NPBWR2: variants seen among roughly 807,000 people sequenced by gnomAD.
The protein encoded by NPBWR2 is neuropeptides B/W receptor type 2.
For synonymous variants in NPBWR2, 207 were observed against 223.5 expected (o/e 0.93, Z 0.66); for missense variants, 390 against 458.2 (o/e 0.85, Z 1.36).
chr20:64,106,966 G>A lies in NPBWR2; in HGVS notation c.-91-44C>T, dbSNP rs1247459698. 5.4e-6 allele frequency: 6 copies of A among 1,107,796 alleles called. No individual in the cohort carries two copies. The highest frequency in any genetic ancestry group is 6.4e-6 in the Non-Finnish European group (5 of 781,744). 68.6% of individuals were successfully genotyped at this position (1,107,796 alleles called of 1,614,324 possible). A position where few individuals can be genotyped will look rare whatever the true frequency, so the allele number is the denominator to read the frequency against. On this transcript the variant is annotated intron_variant, in intron 1 of 1. Transcript: ENST00000684052. This position sits in a 1 kb window ranked among gnomAD's most constrained non-coding sequence, Gnocchi z 9.5. ...CAGAGACTTTGAGATCCGGCCGTCT[G>A]TTAGGGCACAGCCACTCCAGGTTCT...
rs1347156884 is a variant in NPBWR2, at chr20:64,105,621, GTGA to G, written c.*206_*208del. Among the ~76,000 whole-genome samples the G allele has an allele frequency of 5.5e-5, 1 of 18,326 alleles. No individual in the cohort carries two copies. Among genetic ancestry groups the G allele is most frequent in the African/African-American group, 2.7e-4 (1 of 3,660 alleles). The allele number at this position is 18,326 out of a possible 152,430, so 12.0% of individuals were successfully genotyped here. A position where few individuals can be genotyped will look rare whatever the true frequency, so the allele number is the denominator to read the frequency against. Reference sequence around the variant, plus strand: ...GGTGGGCGTGATGGTGGGGGTGGGGGTGATGGGGGTGGGCGTGATGGTGGATGT... The same window carrying G: ...GGTGGGCGTGATGGTGGGGGTGGGGGTGGGGGTGGGCGTGATGGTGGATGT... On this transcript the variant is annotated 3_prime_UTR_variant, in exon 2 of 2. Coordinates refer to ENST00000684052, the MANE Select transcript of NPBWR2 (RefSeq NM_005286.4).
Position 64,107,370 on chromosome 20 carries a change from A to C in NPBWR2, c.-98T>G, listed in dbSNP as rs942844915. Among the ~76,000 whole-genome samples the C allele has an allele frequency of 1.3e-5, 2 of 152,174 alleles. No individual in the cohort carries two copies. Among genetic ancestry groups the C allele is most frequent in the Admixed American group, 6.5e-5 (1 of 15,282 alleles). On this transcript the variant is annotated 5_prime_UTR_variant, in exon 1 of 2. Coordinates refer to ENST00000684052, the MANE Select transcript of NPBWR2 (RefSeq NM_005286.4). This position sits in a 1 kb window ranked among gnomAD's most constrained non-coding sequence, Gnocchi z 6.3. Reference sequence around the variant, plus strand: ...TACTCTTCTCTCCACTGACCTGTCCAGTGCTTCGAGTCCAGAAGTTGGTAG... The same window carrying C: ...TACTCTTCTCTCCACTGACCTGTCCCGTGCTTCGAGTCCAGAAGTTGGTAG...
rs1266501576 is a variant in NPBWR2 at position 64,105,932 on chromosome 20, G to A, written c.900C>T (p.Val300=). 1.2e-6 allele frequency: 2 copies of A among 1,612,806 alleles called. No individual in the cohort carries two copies. The highest frequency in any genetic ancestry group is 3.3e-5 in the Admixed American group (2 of 59,978). Residue 300 remains valine, a synonymous_variant, in exon 2 of 2, where the codon GTC becomes GTT. Transcript: ENST00000684052. ...AGTTGGCGTAGCTGAGGCTGGTGAT[G>A]ACGTAGGACATACTGATGACCAGTG... ...QTPLVISMSY[V]ITSLSYANSC...
rs150640492 is a variant in NPBWR2, at chr20:64,104,858, G to A, written c.*972C>T. 0.05 allele frequency among the ~76,000 whole-genome samples: 5,854 copies of A among 116,708 alleles called. 108 individuals are homozygous for A. Among genetic ancestry groups the A allele is most frequent in the Non-Finnish European group, 0.068 (3,570 of 52,772 alleles). 76.6% of individuals were successfully genotyped at this position (116,708 alleles called of 152,430 possible). On this transcript the variant is annotated 3_prime_UTR_variant, in exon 2 of 2. Coordinates refer to ENST00000684052, the MANE Select transcript of NPBWR2 (RefSeq NM_005286.4). ...AGCACAGGCCATGGAGAGGACCGTC[G>A]GACACAGCAGGGGGGCACAGGGGAG...
In NPBWR2 at chr20:64,107,304, C is replaced by G. The variant is rs1253628450; in HGVS notation, c.-92+60G>C. On this transcript the variant is annotated intron_variant, in intron 1 of 1. Transcript: ENST00000684052. The surrounding 1 kb of genome is among the most constrained non-coding windows in gnomAD (Gnocchi z 6.3). ...GGGTCTTGGAGTCTGCACCCTCCCT[C>G]ACACCCTCCCGAGAGATGCTGCAGA... 1 of 191,364 alleles carries G rather than the reference C, an allele frequency of 5.2e-6. No individual in the cohort carries two copies. The highest frequency in any genetic ancestry group is 1.2e-4 in the East Asian group (1 of 8,134). 11.9% of individuals were successfully genotyped at this position (191,364 alleles called of 1,614,324 possible). A position where few individuals can be genotyped will look rare whatever the true frequency, so the allele number is the denominator to read the frequency against.
At position 64,106,858 on chromosome 20, in the gene NPBWR2, GC is replaced by G; in HGVS notation, c.-28del. The G allele has an allele frequency of 6.3e-7, 1 of 1,594,588 alleles. No homozygotes were observed. Among genetic ancestry groups the G allele is most frequent in the Non-Finnish European group, 8.6e-7 (1 of 1,167,180 alleles). On this transcript the variant is annotated 5_prime_UTR_variant, in exon 2 of 2. Coordinates refer to ENST00000684052, the MANE Select transcript of NPBWR2 (RefSeq NM_005286.4). The surrounding 1 kb of genome is among the most constrained non-coding windows in gnomAD (Gnocchi z 9.5). ...GTAGCTGGGACCGTTGACGATTTGC[GC>G]CCTGGGCAGGTGGGAGGTGCCTTGG... is the stretch of plus-strand genomic sequence containing the variant.
Position 64,106,661 on chromosome 20 carries a change from A to G in NPBWR2, c.171T>C (p.Ala57=), listed in dbSNP as rs146858217. The change falls in exon 2 of 2, where the codon GCT becomes GCC. Residue 57 remains alanine (A), a synonymous_variant. Coordinates refer to ENST00000684052, the MANE Select transcript of NPBWR2 (RefSeq NM_005286.4). This position sits in a 1 kb window ranked among gnomAD's most constrained non-coding sequence, Gnocchi z 9.5. Reference sequence around the variant, plus strand: ...CGGCCGTGTTGCCAGTCAGCCCCACAGCACAGATCCCGGAGTACACGGCGG... The same window carrying G: ...CGGCCGTGTTGCCAGTCAGCCCCACGGCACAGATCCCGGAGTACACGGCGG... ...LLPAVYSGIC[A]VGLTGNTAVI... 1.2e-6 allele frequency: 2 copies of G among 1,612,842 alleles called. No individual in the cohort carries two copies. Among genetic ancestry groups the G allele is most frequent in the Non-Finnish European group, 1.7e-6 (2 of 1,180,016 alleles).
rs1283424139 is a variant in NPBWR2, at chr20:64,104,314, A to G, written c.*1516T>C. Among the ~76,000 whole-genome samples, 1 of 152,024 alleles carries G rather than the reference A, an allele frequency of 6.6e-6. No individual in the cohort carries two copies. The highest frequency in any genetic ancestry group is 2.4e-5 in the African/African-American group (1 of 41,350). On this transcript the variant is annotated 3_prime_UTR_variant, in exon 2 of 2. Coordinates refer to ENST00000684052, the MANE Select transcript of NPBWR2 (RefSeq NM_005286.4). ...TGGCTGATTACAAGCCCCTGGCCAC[A>G]CCCCGGGAGAGAGAGTTCCAGGTGC...
At position 64,105,621 on chromosome 20, in the gene NPBWR2, GT is replaced by G. The variant is rs1979961219; in HGVS notation, c.*208del. Among the ~76,000 whole-genome samples, 1 of 18,320 alleles carries G rather than the reference GT, an allele frequency of 5.5e-5. No homozygotes were observed. The highest frequency in any genetic ancestry group is 2.7e-4 in the African/African-American group (1 of 3,644). 12.0% of individuals were successfully genotyped at this position (18,320 alleles called of 152,430 possible). On this transcript the variant is annotated 3_prime_UTR_variant, in exon 2 of 2. Transcript: ENST00000684052. The stretch of plus-strand genomic sequence containing the variant: ...GGTGGGCGTGATGGTGGGGGTGGGG[GT>G]GATGGGGGTGGGCGTGATGGTGGAT...
rs879025212 is a variant in NPBWR2 at position 64,107,171 on chromosome 20, C to T, written c.-92+193G>A. On this transcript the variant is annotated intron_variant, in intron 1 of 1. Transcript: ENST00000684052. The surrounding 1 kb of genome is among the most constrained non-coding windows in gnomAD (Gnocchi z 6.3). Reference sequence around the variant, plus strand: ...GGAAGAGATGTGGATCCGTCCCTGCCCCAGCAACCCGCAGATGCACGGGCT... The same window carrying T: ...GGAAGAGATGTGGATCCGTCCCTGCTCCAGCAACCCGCAGATGCACGGGCT... 2.2e-5 allele frequency: 9 copies of T among 405,914 alleles called. No individual in the cohort carries two copies. The highest frequency in any genetic ancestry group is 3.7e-5 in the Non-Finnish European group (8 of 214,200). The allele number at this position is 405,914 out of a possible 1,614,324, so 25.1% of individuals were successfully genotyped here.
chr20:64,106,886 G>A lies in NPBWR2; in HGVS notation c.-55C>T, dbSNP rs1980074744. On this transcript the variant is annotated 5_prime_UTR_variant, in exon 2 of 2. Transcript: ENST00000684052. This position sits in a 1 kb window ranked among gnomAD's most constrained non-coding sequence, Gnocchi z 9.5. ...CTGGGCAGGTGGGAGGTGCCTTGGA[G>A]TTGGGTATCTGGTTGGGGGCCTCCT... 1.9e-6 allele frequency: 3 copies of A among 1,572,302 alleles called. No homozygotes were observed. The highest frequency in any genetic ancestry group is 1.8e-5 in the Admixed American group (1 of 56,136).
In NPBWR2 at chr20:64,107,097, C is replaced by T; in HGVS notation, c.-91-175G>A. ...CCGCCTCTTCCTGGTGAGACTTCAG[C>T]AGATCAGTTCCCTCCTCCCGCAGAG... On this transcript the variant is annotated intron_variant, in intron 1 of 1. Transcript: ENST00000684052. The surrounding 1 kb of genome is among the most constrained non-coding windows in gnomAD (Gnocchi z 6.3). 1.7e-6 allele frequency: 1 copy of T among 581,308 alleles called. No homozygotes were observed. The highest frequency in any genetic ancestry group is 3.1e-6 in the Non-Finnish European group (1 of 318,292). The allele number at this position is 581,308 out of a possible 1,614,324, so 36.0% of individuals were successfully genotyped here. A position where few individuals can be genotyped will look rare whatever the true frequency, so the allele number is the denominator to read the frequency against.
rs1310248277 is a variant in NPBWR2, at chr20:64,104,385, A to G, written c.*1445T>C. Among the ~76,000 whole-genome samples the G allele has an allele frequency of 1.3e-5, 2 of 152,214 alleles. No homozygotes were observed. Among genetic ancestry groups the G allele is most frequent in the Non-Finnish European group, 2.9e-5 (2 of 68,032 alleles). ...TGGTCCCTAGGCTGTGGTGGCCCAG[A>G]GGTCCTGGCAAAAGGGCCCTGTAGC... is the stretch of plus-strand genomic sequence containing the variant. On this transcript the variant is annotated 3_prime_UTR_variant, in exon 2 of 2. Coordinates refer to ENST00000684052, the MANE Select transcript of NPBWR2 (RefSeq NM_005286.4).
rs1337703728 is a variant in NPBWR2, at chr20:64,104,972, CA to C, written c.*857del. On this transcript the variant is annotated 3_prime_UTR_variant, in exon 2 of 2. Transcript: ENST00000684052. ...GGCCACAGCAGGGGGAACACAGCAGCACAGGCCATGGCACATGGGCACGGCG... is the reference window on the plus strand; with the variant it reads ...GGCCACAGCAGGGGGAACACAGCAGCCAGGCCATGGCACATGGGCACGGCG... Among the ~76,000 whole-genome samples the C allele has an allele frequency of 4.6e-5, 7 of 152,148 alleles. No individual in the cohort carries two copies. Among genetic ancestry groups the C allele is most frequent in the African/African-American group, 1.7e-4 (7 of 41,414 alleles).
chr20:64,106,224 C>T lies in NPBWR2; in HGVS notation c.608G>A (p.Trp203Ter). Residue 203 changes from tryptophan (W) to a stop codon, truncating the protein, a stop_gained, in exon 2 of 2, where the codon TGG becomes TAG. Coordinates refer to ENST00000684052, the MANE Select transcript of NPBWR2 (RefSeq NM_005286.4). LOFTEE classifies it low-confidence loss of function (END_TRUNC). This position sits in a 1 kb window ranked among gnomAD's most constrained non-coding sequence, Gnocchi z 9.5. ...QVPSCGLSFP[W>*]PEQVWFKASR... is the part of the protein sequence containing the mutation. ...GGCCTTGAACCAGACCTGCTCGGGC[C>T]ACGGGAAGCTCAGCCCACAGCTTGG... The T allele has an allele frequency of 6.2e-7, 1 of 1,612,744 alleles. No individual in the cohort carries two copies. The highest frequency in any genetic ancestry group is 8.5e-7 in the Non-Finnish European group (1 of 1,179,962).
At position 64,105,444 on chromosome 20, in the gene NPBWR2, G is replaced by A. The variant is rs866240634; in HGVS notation, c.*386C>T. Reference sequence around the variant, plus strand: ...TGTGAGGGTCTGTGTCTCCTTGCGTGGAGAGGACAGCACTGGGATGTGAAC... The same window carrying A: ...TGTGAGGGTCTGTGTCTCCTTGCGTAGAGAGGACAGCACTGGGATGTGAAC... On this transcript the variant is annotated 3_prime_UTR_variant, in exon 2 of 2. Transcript: ENST00000684052. Among the ~76,000 whole-genome samples, 2 of 133,724 alleles carry A rather than the reference G, an allele frequency of 1.5e-5. No individual in the cohort carries two copies. Among genetic ancestry groups the A allele is most frequent in the African/African-American group, 5.9e-5 (2 of 34,066 alleles). 87.7% of individuals were successfully genotyped at this position (133,724 alleles called of 152,430 possible).
Position 64,107,099 on chromosome 20 carries a change from G to A in NPBWR2, c.-91-177C>T, listed in dbSNP as rs1980080816. ...GCCTCTTCCTGGTGAGACTTCAGCA[G>A]ATCAGTTCCCTCCTCCCGCAGAGAG... On this transcript the variant is annotated intron_variant, in intron 1 of 1. Coordinates refer to ENST00000684052, the MANE Select transcript of NPBWR2 (RefSeq NM_005286.4). The surrounding 1 kb of genome is among the most constrained non-coding windows in gnomAD (Gnocchi z 6.3). The A allele has an allele frequency of 3.5e-6, 2 of 578,824 alleles. No homozygotes were observed. The highest frequency in any genetic ancestry group is 6.3e-6 in the Non-Finnish European group (2 of 316,964). The allele number at this position is 578,824 out of a possible 1,614,324, so 35.9% of individuals were successfully genotyped here.
chr20:64,105,770 C>CGTGACGATGGGGGTAATGGTGGGG lies in NPBWR2; in HGVS notation c.*59_*60insCCCCACCATTACCCCCATCGTCAC. ...GGGGTGTGGGCATGATGATGATGGG[C>CGTGACGATGGGGGTAATGGTGGGG]GTGATGATGATGGGGGGTGATGATG... On this transcript the variant is annotated 3_prime_UTR_variant, in exon 2 of 2. Coordinates refer to ENST00000684052, the MANE Select transcript of NPBWR2 (RefSeq NM_005286.4). 2.7e-6 allele frequency: 3 copies of CGTGACGATGGGGGTAATGGTGGGG among 1,108,620 alleles called. No individual in the cohort carries two copies. Among genetic ancestry groups the CGTGACGATGGGGGTAATGGTGGGG allele is most frequent in the Non-Finnish European group, 2.4e-6 (2 of 824,866 alleles). 68.7% of individuals were successfully genotyped at this position (1,108,620 alleles called of 1,614,324 possible).
chr20:64,106,432 A>G lies in NPBWR2; in HGVS notation c.400T>C (p.Phe134Leu), dbSNP rs760324137. ...DHYNIFSSIY[F>L]LAVMSVDRYL... ...CGGTCCACGCTCATCACGGCTAGGA[A>G]GTAGATGCTGGAGAAGATGTTGTAG... The change falls in exon 2 of 2, where the codon TTC (phenylalanine) becomes CTC (leucine). Residue 134 changes from phenylalanine to leucine, a missense_variant. Transcript: ENST00000684052. The surrounding 1 kb of genome is among the most constrained non-coding windows in gnomAD (Gnocchi z 9.5). 5.6e-6 allele frequency: 9 copies of G among 1,612,650 alleles called. No individual in the cohort carries two copies. Among genetic ancestry groups the G allele is most frequent in the Non-Finnish European group, 6.8e-6 (8 of 1,180,016 alleles).
Sources: allele counts gnomAD v4.1 joint callset (sites outside exome capture counted in the v4.1 genomes callset), GRCh38; gene constraint gnomAD v4.1.1; non-coding constraint Gnocchi (gnomAD v3.1); transcripts MANE v1.5; gene names NCBI Gene and HGNC (gene_info 2026-07-23, HGNC 2026-07-21).